The following OSBPL3 variants were observed in gnomAD, a reference collection of about 807,000 sequenced individuals.
OSBPL3 encodes the protein oxysterol-binding protein-related protein 3.
A neutral mutation model predicts 120.1 loss-of-function variants in OSBPL3; 65 were observed. The observed-to-expected ratio is 0.54, with a 90% confidence interval of 0.44 to 0.67. The LOEUF is 0.67. Ranked by LOEUF, OSBPL3 falls within the 30% of genes least tolerant of loss-of-function variation. OSBPL3 has a pLI of 0.00. For missense variants in OSBPL3, 1,004 were observed against 1,082.1 expected (o/e 0.93, Z 1.01); for synonymous variants, 416 against 402.6 (o/e 1.03, Z -0.40).
rs887326406 is a variant in OSBPL3, at chr7:24,894,856, T to C, written c.-149-2235A>G. On this transcript the variant is annotated intron_variant, in intron 1 of 22. Coordinates refer to ENST00000313367, the MANE Select transcript of OSBPL3 (RefSeq NM_015550.4). The surrounding 1 kb of genome is among the most constrained non-coding windows in gnomAD (Gnocchi z 4.1). ...CTGATACAGGGTCATCTTTATCTCT[T>C]TGTCCTGCAGAATTTCAGTTGGGAG... 6.6e-6 allele frequency among the ~76,000 whole-genome samples: 1 copy of C among 152,338 alleles called. No homozygotes were observed. The highest frequency in any genetic ancestry group is 2.1e-4 in the South Asian group (1 of 4,828).
In OSBPL3 at chr7:24,802,745, A is replaced by T. The variant is rs1792530182; in HGVS notation, c.2567+1570T>A. On this transcript the variant is annotated intron_variant, in intron 22 of 22. Coordinates refer to ENST00000313367, the MANE Select transcript of OSBPL3 (RefSeq NM_015550.4). This position sits in a 1 kb window ranked among gnomAD's most constrained non-coding sequence, Gnocchi z 4.1. ...CATAATTGTACATTTTTCTTTTTTTAAAAAATGAAAATAGACAATGTATGG... is the reference window on the plus strand; with the variant it reads ...CATAATTGTACATTTTTCTTTTTTTTAAAAATGAAAATAGACAATGTATGG... 6.6e-6 allele frequency among the ~76,000 whole-genome samples: 1 copy of T among 152,140 alleles called. No homozygotes were observed. The highest frequency in any genetic ancestry group is 2.4e-5 in the African/African-American group (1 of 41,444).
In OSBPL3 at chr7:24,918,616, G is replaced by A. The variant is rs1810011274; in HGVS notation, c.-149-25995C>T. Among the ~76,000 whole-genome samples, 1 of 152,122 alleles carries A rather than the reference G, an allele frequency of 6.6e-6. No homozygotes were observed. The highest frequency in any genetic ancestry group is 1.9e-4 in the East Asian group (1 of 5,204). On this transcript the variant is annotated intron_variant, in intron 1 of 22. Coordinates refer to ENST00000313367, the MANE Select transcript of OSBPL3 (RefSeq NM_015550.4). The surrounding 1 kb of genome is among the most constrained non-coding windows in gnomAD (Gnocchi z 4.3). ...TTTACCCAAGCAAATAAGAAAATGG[G>A]ATCAACATTTAGTACTCACTTAACA...
intron 1 of OSBPL3, among the ~76,000 whole-genome samples, chr7:24,897,953 C>T (rs1186431461): frequency 6.6e-6 from 1 of 152,060 alleles, no homozygotes; most frequent in Non-Finnish European, 1.5e-5. Flanking sequence ...TCATGAAGGC[C>T]AGATGGCATA....
chr7:24,884,347 T>C (rs888824741), intron 2 of OSBPL3, among the ~76,000 whole-genome samples: 2 of 152,242 alleles, frequency 1.3e-5, no homozygotes, highest in Non-Finnish European at 2.9e-5. Context: ...AATCAGTTAA[T>C]ATCTTTGGGC....
At chr7:24,838,187 C>T (rs1208620500) in intron 14 of OSBPL3, among the ~76,000 whole-genome samples, 1 of 152,064 alleles carries the variant, frequency 6.6e-6, no homozygotes, top group Non-Finnish European at 1.5e-5. Context: ...GGGTTTTGCC[C>T]AGTGTTTGTT....
At position 24,842,351 on chromosome 7, in the gene OSBPL3, GGA is replaced by G; in HGVS notation, c.1327_1328del (p.Ser443HisfsTer3). 1 of 1,612,146 alleles carries G rather than the reference GGA, an allele frequency of 6.2e-7. No homozygotes were observed. The highest frequency in any genetic ancestry group is 8.5e-7 in the Non-Finnish European group (1 of 1,178,424). On this transcript the variant is annotated frameshift_variant, in exon 13 of 23. Transcript: ENST00000313367. LOFTEE classifies it high-confidence loss of function. ...AAAACTCAGAAAGGGAGTCAGTGAT[GGA>G]GAGTCTACTTTCATTAGAAAGCTGA... ...VHQLSNESRL[S>X]ITDSLSEFFD...
intron 10 of OSBPL3, among the ~76,000 whole-genome samples, chr7:24,861,037 T>G (rs1800455406): frequency 6.6e-6 from 1 of 152,230 alleles, no homozygotes; most frequent in Admixed American, 6.5e-5. Flanking sequence ...TTTACATAGC[T>G]ACAAGCAATG....
At chr7:24,902,364 T>A (rs904032899) in intron 1 of OSBPL3, among the ~76,000 whole-genome samples, 1 of 152,246 alleles carries the variant, frequency 6.6e-6, no homozygotes, top group Non-Finnish European at 1.5e-5. Flanking sequence ...ACTTAACTTC[T>A]TTCTGCAACT....
At chr7:24,951,316 G>T (rs1054124607) in intron 1 of OSBPL3, among the ~76,000 whole-genome samples, 6 of 152,030 alleles carry the variant, frequency 3.9e-5, no homozygotes, top group African/African-American at 1.4e-4. Flanking sequence ...GCAACTCCTT[G>T]CTCAAGTAAA....
chr7:24,923,710 G>C (rs1810694969), intron 1 of OSBPL3, among the ~76,000 whole-genome samples: 1 of 152,228 alleles, frequency 6.6e-6, no homozygotes, highest in African/African-American at 2.4e-5. Flanking sequence ...ACCCAAAGGA[G>C]ACCAGGAAGA....
intron 1 of OSBPL3, among the ~76,000 whole-genome samples, chr7:24,977,633 G>A (rs770684610): frequency 2.4e-4 from 36 of 152,180 alleles, no homozygotes; most frequent in Non-Finnish European, 5.1e-4. Context: ...GAGGTGGGCA[G>A]ATCACAAGGT....
Position 24,967,830 on chromosome 7 carries a change from CCT to C in OSBPL3, c.-150+12054_-150+12055del, listed in dbSNP as rs1315015620. Among the ~76,000 whole-genome samples the C allele has an allele frequency of 6.6e-6, 1 of 152,100 alleles. No individual in the cohort carries two copies. Among genetic ancestry groups the C allele is most frequent in the East Asian group, 1.9e-4 (1 of 5,182 alleles). ...TCCCAGAACTGATCAACAGCTCTGC[CCT>C]CTCTCTTGCACTGTTGCTGGACATG... On this transcript the variant is annotated intron_variant, in intron 1 of 22. Transcript: ENST00000313367. The surrounding 1 kb of genome is among the most constrained non-coding windows in gnomAD (Gnocchi z 5.6).
rs1024067065 is a variant in OSBPL3 at position 24,967,238 on chromosome 7, C to T, written c.-150+12648G>A. Reference sequence around the variant, plus strand: ...GAACTGATTAACACATATTCCCTTGCTCAAAACATTCTGTGGCTCTCCAAT... The same window carrying T: ...GAACTGATTAACACATATTCCCTTGTTCAAAACATTCTGTGGCTCTCCAAT... On this transcript the variant is annotated intron_variant, in intron 1 of 22. Coordinates refer to ENST00000313367, the MANE Select transcript of OSBPL3 (RefSeq NM_015550.4). The surrounding 1 kb of genome is among the most constrained non-coding windows in gnomAD (Gnocchi z 5.6). 6.6e-6 allele frequency among the ~76,000 whole-genome samples: 1 copy of T among 152,172 alleles called. No individual in the cohort carries two copies. The highest frequency in any genetic ancestry group is 2.4e-5 in the African/African-American group (1 of 41,434).
rs1401041566 is a variant in OSBPL3, at chr7:24,828,612, AAAAAAAAAAG to A, written c.1884+2146_1884+2155del. Among the ~76,000 whole-genome samples the A allele has an allele frequency of 1.3e-4, 17 of 127,502 alleles. 1 individual carries two copies. The highest frequency in any genetic ancestry group is 5.2e-4 in the Admixed American group (7 of 13,472). 83.6% of individuals were successfully genotyped at this position (127,502 alleles called of 152,430 possible). A position where few individuals can be genotyped will look rare whatever the true frequency, so the allele number is the denominator to read the frequency against. ...ACAAAGTGAGACTCTGTCTGAAAAA[AAAAAAAAAAG>A]AAAAAAAAAAAAAAGGCATCGTAGA... On this transcript the variant is annotated intron_variant, in intron 16 of 22. Transcript: ENST00000313367.
Position 24,959,627 on chromosome 7 carries a change from A to C in OSBPL3, c.-150+20259T>G, listed in dbSNP as rs1385728071. On this transcript the variant is annotated intron_variant, in intron 1 of 22. Coordinates refer to ENST00000313367, the MANE Select transcript of OSBPL3 (RefSeq NM_015550.4). This position sits in a 1 kb window ranked among gnomAD's most constrained non-coding sequence, Gnocchi z 4.3. Reference sequence around the variant, plus strand: ...GTTACACAGGTTATTTATCTTCTGAAAACTCATTAGATTATATGTTGATGC... The same window carrying C: ...GTTACACAGGTTATTTATCTTCTGACAACTCATTAGATTATATGTTGATGC... Among the ~76,000 whole-genome samples the C allele has an allele frequency of 1.3e-5, 2 of 152,240 alleles. No homozygotes were observed. The highest frequency in any genetic ancestry group is 2.9e-5 in the Non-Finnish European group (2 of 68,038).
rs1011550848 is a variant in OSBPL3, at chr7:24,967,145, T to C, written c.-150+12741A>G. 6.6e-6 allele frequency among the ~76,000 whole-genome samples: 1 copy of C among 152,240 alleles called. No individual in the cohort carries two copies. The highest frequency in any genetic ancestry group is 2.4e-5 in the African/African-American group (1 of 41,454). On this transcript the variant is annotated intron_variant, in intron 1 of 22. Coordinates refer to ENST00000313367, the MANE Select transcript of OSBPL3 (RefSeq NM_015550.4). This position sits in a 1 kb window ranked among gnomAD's most constrained non-coding sequence, Gnocchi z 5.6. Reference sequence around the variant, plus strand: ...TTTTCCTGTTTCCTATCATCCCTCCTTCCCACAGTGTACACACAGAAATCT... The same window carrying C: ...TTTTCCTGTTTCCTATCATCCCTCCCTCCCACAGTGTACACACAGAAATCT...
intron 19 of OSBPL3, among the ~76,000 whole-genome samples, chr7:24,812,917 T>TC (rs145494092): frequency 0.086 from 13,059 of 152,252 alleles, 773 homozygotes; most frequent in Non-Finnish European, 0.13. Flanking sequence ...CTTATTCTGT[T>TC]CCCCAGAGTA....
At position 24,867,665 on chromosome 7, in the gene OSBPL3, T is replaced by G. The variant is rs1397511295; in HGVS notation, c.382-1428A>C. 1.3e-5 allele frequency among the ~76,000 whole-genome samples: 2 copies of G among 152,246 alleles called. No individual in the cohort carries two copies. Among genetic ancestry groups the G allele is most frequent in the African/African-American group, 4.8e-5 (2 of 41,468 alleles). On this transcript the variant is annotated intron_variant, in intron 5 of 22. Transcript: ENST00000313367. The surrounding 1 kb of genome is among the most constrained non-coding windows in gnomAD (Gnocchi z 4.5). Reference sequence around the variant, plus strand: ...AGACCTCCCCAGCCATGTGGAACTGTAAGTCTATTAAACCTCTTTCTTTTG... The same window carrying G: ...AGACCTCCCCAGCCATGTGGAACTGGAAGTCTATTAAACCTCTTTCTTTTG...
Position 24,849,144 on chromosome 7 carries a change from G to C in OSBPL3, c.1191C>G (p.Arg397=), listed in dbSNP as rs1219963882. ...GAGACTCGGCATGGATTCTGCGTAA[G>C]CGTTCTTTAAGATCTGTGTTTTGTG... ...ALAQNTDLKE[R]LRRIHAESLL... The change falls in exon 12 of 23, where the codon CGC becomes CGG. Residue 397 remains arginine, a synonymous_variant. Coordinates refer to ENST00000313367, the MANE Select transcript of OSBPL3 (RefSeq NM_015550.4). This position sits in a 1 kb window ranked among gnomAD's most constrained non-coding sequence, Gnocchi z 5.4. The C allele has an allele frequency of 6.2e-7, 1 of 1,614,014 alleles. No homozygotes were observed. The highest frequency in any genetic ancestry group is 1.3e-5 in the African/African-American group (1 of 75,052).
Sources: gnomAD v4.1 joint callset for allele counts (sites outside exome capture counted in the v4.1 genomes callset) on GRCh38, gnomAD v4.1.1 for gene constraint, Gnocchi (gnomAD v3.1) non-coding constraint, MANE v1.5 for transcripts, NCBI Gene and HGNC (gene_info 2026-07-23, HGNC 2026-07-21) for gene names.